ZNF510: variants seen among roughly 807,000 people sequenced by gnomAD.
The protein encoded by ZNF510 is zinc finger protein 510.
A neutral mutation model predicts 18.1 loss-of-function variants in ZNF510; 15 were observed. The ratio of observed to expected loss-of-function variants is 0.83; its 90% CI spans 0.55 to 1.28. The LOEUF is 1.28. Ranked by LOEUF, ZNF510 falls within the 50% of genes most tolerant of loss-of-function variation. The probability of loss-of-function intolerance (pLI) is 0.00; values close to 1 mark genes in which losing one functional copy is unlikely to be tolerated. For synonymous variants in ZNF510, 261 were observed against 266.4 expected, an observed-to-expected ratio of 0.98 and a Z score of 0.20; for missense variants, 724 against 791.8, an observed-to-expected ratio of 0.91 and a Z score of 1.03.
chr9:96,758,599 C>A lies in ZNF510; in HGVS notation c.*179G>T, dbSNP rs1849248858. ...TACACTCTGAAGGTTGCATTTTGGACACAATTCTTCCTGCATTCATCTTCA... is the reference window on the plus strand; with the variant it reads ...TACACTCTGAAGGTTGCATTTTGGAAACAATTCTTCCTGCATTCATCTTCA... On this transcript the variant is annotated 3_prime_UTR_variant, in exon 6 of 6. Coordinates refer to ENST00000223428, the MANE Select transcript of ZNF510 (RefSeq NM_014930.3). 7.8e-6 allele frequency: 5 copies of A among 641,972 alleles called. No homozygotes were observed. The Admixed American group carries it at 1.7e-4, about 21-fold the overall frequency. The allele number at this position is 641,972 out of a possible 1,614,324, so 39.8% of individuals were successfully genotyped here. A position where few individuals can be genotyped will look rare whatever the true frequency, so the allele number is the denominator to read the frequency against.
intron 3 of ZNF510, among the ~76,000 whole-genome samples, chr9:96,769,335 G>A (rs1368108253): frequency 2.6e-5 from 4 of 151,800 alleles, no homozygotes; most frequent in Non-Finnish European, 4.4e-5. Context: ...TACTCGGAAG[G>A]CTGAGGTGGG....
Position 96,755,106 on chromosome 9 carries a change from C to A in ZNF510, c.*3672G>T, listed in dbSNP as rs1163418882. Among the ~76,000 whole-genome samples the A allele has an allele frequency of 6.6e-6, 1 of 152,194 alleles. No individual in the cohort carries two copies. The highest frequency in any genetic ancestry group is 1.5e-5 in the Non-Finnish European group (1 of 68,044). ...TGGGCCGCCCTCTGCTAAGGGACAG[C>A]AGGTGAAGCCTGAGTCCCCAGTCAT... is the stretch of plus-strand genomic sequence containing the variant. On this transcript the variant is annotated 3_prime_UTR_variant, in exon 6 of 6. Transcript: ENST00000223428.
intron 3 of ZNF510, among the ~76,000 whole-genome samples, chr9:96,767,119 G>A (rs1227268878): frequency 1.3e-5 from 2 of 152,128 alleles, no homozygotes; most frequent in Non-Finnish European, 2.9e-5. Context: ...CTTGAGGTCA[G>A]GAGTTCGAGA....
In ZNF510 at chr9:96,759,346, T is replaced by C; in HGVS notation, c.1484A>G (p.Lys495Arg). ...EKPYECSECG[K>R]TFVQKSTLRD... is the part of the protein sequence containing the mutation. ...GAGGGTGGACTTCTGAACAAAAGTT[T>C]TCCCACATTCACTACATTCATAGGG... Residue 495 changes from lysine to arginine, a missense_variant, in exon 6 of 6, where the codon AAA becomes AGA. Transcript: ENST00000223428. The C allele has an allele frequency of 2.5e-6, 4 of 1,614,158 alleles. No individual in the cohort carries two copies. Among genetic ancestry groups the C allele is most frequent in the Non-Finnish European group, 3.4e-6 (4 of 1,180,000 alleles).
chr9:96,759,043 C>G lies in ZNF510; in HGVS notation c.1787G>C (p.Gly596Ala), dbSNP rs1172904949. 6.2e-7 allele frequency: 1 copy of G among 1,613,938 alleles called. No homozygotes were observed. Residue 596 changes from glycine (G) to alanine (A), a missense_variant, in exon 6 of 6, where the codon GGG (glycine) becomes GCG (alanine). Coordinates refer to ENST00000223428, the MANE Select transcript of ZNF510 (RefSeq NM_014930.3). ...TLRVHQRIHT[G>A]EKPFKCNECG... ...TTCATTACATTTAAATGGTTTCTCC[C>G]CAGTGTGAATTCTTTGATGCACTCT...
intron 3 of ZNF510, among the ~76,000 whole-genome samples, chr9:96,767,279 T>C (rs1355691419): frequency 6.6e-6 from 1 of 151,844 alleles, no homozygotes; most frequent in Non-Finnish European, 1.5e-5. Flanking sequence ...AGTGAGCTGA[T>C]ATCGTGCCAC....
At chr9:96,772,182 C>G (rs978643454) in intron 3 of ZNF510, among the ~76,000 whole-genome samples, 2 of 152,170 alleles carry the variant, frequency 1.3e-5, no homozygotes, top group African/African-American at 4.8e-5. Context: ...GATGGTCTTT[C>G]TAACAAATGG....
rs1371370881 is a variant in ZNF510, at chr9:96,754,703, T to C, written c.*4075A>G. ...GGAACTTATAGCAATATTTTACCTA[T>C]TTATAATAATCACCCAAAAGATAAC... is the stretch of plus-strand genomic sequence containing the variant. On this transcript the variant is annotated 3_prime_UTR_variant, in exon 6 of 6. Coordinates refer to ENST00000223428, the MANE Select transcript of ZNF510 (RefSeq NM_014930.3). Among the ~76,000 whole-genome samples, 1 of 148,844 alleles carries C rather than the reference T, an allele frequency of 6.7e-6. No individual in the cohort carries two copies. Among genetic ancestry groups the C allele is most frequent in the East Asian group, 1.9e-4 (1 of 5,188 alleles).
rs1490630216 is a variant in ZNF510, at chr9:96,756,827, G to A, written c.*1951C>T. The A allele has an allele frequency of 6.6e-6, 1 of 152,208 alleles. No homozygotes were observed. Among genetic ancestry groups the A allele is most frequent in the Non-Finnish European group, 1.5e-5 (1 of 68,058 alleles). The allele number at this position is 152,208 out of a possible 1,614,324, so 9.4% of individuals were successfully genotyped here. A position where few individuals can be genotyped will look rare whatever the true frequency, so the allele number is the denominator to read the frequency against. Reference sequence around the variant, plus strand: ...AACCCACAAAATCACCAGTCACAGAGAGAGACTTGAAGCCCAAAATGATCA... The same window carrying A: ...AACCCACAAAATCACCAGTCACAGAAAGAGACTTGAAGCCCAAAATGATCA... On this transcript the variant is annotated 3_prime_UTR_variant, in exon 6 of 6. Transcript: ENST00000223428.
In ZNF510 at chr9:96,755,616, T is replaced by G. The variant is rs1849176882; in HGVS notation, c.*3162A>C. On this transcript the variant is annotated 3_prime_UTR_variant, in exon 6 of 6. Transcript: ENST00000223428. ...ATTCAATTATCCTTCTGTGAAAAATTCAGTAGCAGGCCAGAAAGATGGGTA... is the reference window on the plus strand; with the variant it reads ...ATTCAATTATCCTTCTGTGAAAAATGCAGTAGCAGGCCAGAAAGATGGGTA... Among the ~76,000 whole-genome samples the G allele has an allele frequency of 6.6e-6, 1 of 152,164 alleles. No homozygotes were observed. The highest frequency in any genetic ancestry group is 2.1e-4 in the South Asian group (1 of 4,826).
rs1302143738 is a variant in ZNF510, at chr9:96,756,046, A to G, written c.*2732T>C. 3 of 152,144 alleles carry G rather than the reference A, an allele frequency of 2.0e-5. No individual in the cohort carries two copies. Among genetic ancestry groups the G allele is most frequent in the Admixed American group, 1.3e-4 (2 of 15,280 alleles). 9.4% of individuals were successfully genotyped at this position (152,144 alleles called of 1,614,324 possible). On this transcript the variant is annotated 3_prime_UTR_variant, in exon 6 of 6. Coordinates refer to ENST00000223428, the MANE Select transcript of ZNF510 (RefSeq NM_014930.3). ...CGGCAGCTTGATTCCAGTCAGTCTT[A>G]TCAGAAAATAGTCTCTTATTATGGG...
Position 96,758,947 on chromosome 9 carries a change from A to C in ZNF510, c.1883T>G (p.Phe628Cys), listed in dbSNP as rs1849262176. Residue 628 changes from phenylalanine (F) to cysteine (C), a missense_variant, in exon 6 of 6, where the codon TTT becomes TGT. Coordinates refer to ENST00000223428, the MANE Select transcript of ZNF510 (RefSeq NM_014930.3). ...AGTTTTCCCACATTTATTACACTGA[A>C]AGGGTTTCTCCCCTGTGTGAATTCT... is the stretch of plus-strand genomic sequence containing the variant. Reference protein sequence around the residue: ...HQRIHTGEKPFQCNKCGKTFG... With the variant: ...HQRIHTGEKPCQCNKCGKTFG... 6.2e-7 allele frequency: 1 copy of C among 1,613,858 alleles called. No individual in the cohort carries two copies. Among genetic ancestry groups the C allele is most frequent in the South Asian group, 1.1e-5 (1 of 91,076 alleles).
intron 3 of ZNF510, among the ~76,000 whole-genome samples, chr9:96,766,644 A>G (rs1849478830): frequency 7.4e-6 from 1 of 134,760 alleles, no homozygotes; most frequent in South Asian, 2.1e-4. Flanking sequence ...TTTGCACATT[A>G]AAAAAAAAGG....
Position 96,758,509 on chromosome 9 carries a change from G to C in ZNF510, c.*269C>G, listed in dbSNP as rs1023412594. 1.4e-5 allele frequency: 5 copies of C among 356,636 alleles called. No individual in the cohort carries two copies. The highest frequency in any genetic ancestry group is 2.5e-5 in the Non-Finnish European group (5 of 198,206). 22.1% of individuals were successfully genotyped at this position (356,636 alleles called of 1,614,324 possible). A position where few individuals can be genotyped will look rare whatever the true frequency, so the allele number is the denominator to read the frequency against. On this transcript the variant is annotated 3_prime_UTR_variant, in exon 6 of 6. Coordinates refer to ENST00000223428, the MANE Select transcript of ZNF510 (RefSeq NM_014930.3). ...TGTGATGTGTGGGAGCTATCTAATA[G>C]GGTATGACTTCATTCAGGCCTATCC...
At chr9:96,763,068 G>T in intron 5 of ZNF510, 50 bp downstream of exon 5, 1 of 1,505,328 alleles carries the variant, frequency 6.6e-7, no homozygotes, top group Non-Finnish European at 9.3e-7. Flanking sequence ...AAGTGACCTG[G>T]AGTCTAACCA....
chr9:96,764,182 T>A (rs796814745), intron 3 of ZNF510, among the ~76,000 whole-genome samples: 2 of 152,170 alleles, frequency 1.3e-5, no homozygotes, highest in African/African-American at 4.8e-5. Context: ...ACTTTTTTTT[T>A]ATTCTTATTT....
At chr9:96,767,311 G>A (rs1488802833) in intron 3 of ZNF510, among the ~76,000 whole-genome samples, 2 of 150,792 alleles carry the variant, frequency 1.3e-5, no homozygotes, top group Non-Finnish European at 2.9e-5. Context: ...CTGGGTGATA[G>A]AGCGAGACTC....
rs71485393 is a variant in ZNF510 at position 96,769,437 on chromosome 9, CA to C, written c.129+5350del. Reference sequence around the variant, plus strand: ...GGGCAACAGACAAAGATTCCGTCTCCAAAAAAAAAAAAAATTGGCCTTAAAA... The same window carrying C: ...GGGCAACAGACAAAGATTCCGTCTCCAAAAAAAAAAAAATTGGCCTTAAAA... On this transcript the variant is annotated intron_variant, in intron 3 of 5. Coordinates refer to ENST00000223428, the MANE Select transcript of ZNF510 (RefSeq NM_014930.3). Among the ~76,000 whole-genome samples the C allele has an allele frequency of 1.1e-3, 137 of 126,178 alleles. 1 individual carries two copies. The highest frequency in any genetic ancestry group is 1.4e-3 in the Admixed American group (18 of 12,798). The allele number at this position is 126,178 out of a possible 152,430, so 82.8% of individuals were successfully genotyped here. A position where few individuals can be genotyped will look rare whatever the true frequency, so the allele number is the denominator to read the frequency against.
At position 96,759,067 on chromosome 9, in the gene ZNF510, C is replaced by CT; in HGVS notation, c.1762dup (p.Arg588LysfsTer14). 6.2e-7 allele frequency: 1 copy of CT among 1,614,076 alleles called. No individual in the cohort carries two copies. The highest frequency in any genetic ancestry group is 8.5e-7 in the Non-Finnish European group (1 of 1,179,988). On this transcript the variant is annotated frameshift_variant, in exon 6 of 6. Transcript: ENST00000223428. LOFTEE classifies it low-confidence loss of function (END_TRUNC). Reference sequence around the variant, plus strand: ...CCCAGTGTGAATTCTTTGATGCACTCTGAGGGTTGATGTCCGGGCAAAAGT... The same window carrying CT: ...CCCAGTGTGAATTCTTTGATGCACTCTTGAGGGTTGATGTCCGGGCAAAAGT...
Sources: allele counts gnomAD v4.1 joint callset (sites outside exome capture counted in the v4.1 genomes callset), GRCh38; gene constraint gnomAD v4.1.1; transcripts MANE v1.5; gene names NCBI Gene and HGNC (gene_info 2026-07-23, HGNC 2026-07-21).